The following TRPS1 variants were observed in gnomAD, a reference collection of about 807,000 sequenced individuals.
TRPS1 encodes the protein zinc finger transcription factor Trps1.
In TRPS1, 6 loss-of-function variants were observed where a neutral mutation model predicts 101.2. The ratio of observed to expected loss-of-function variants is 0.06; its 90% CI spans 0.03 to 0.12. The LOEUF (loss-of-function observed/expected upper bound fraction) is 0.12, where lower values mean the gene tolerates loss of function less well. Among genes scored for constraint, TRPS1 ranks in the 10% least tolerant of loss-of-function variants. TRPS1 has a pLI of 1.00. For missense variants in TRPS1, 1,363 were observed against 1,567.0 expected (o/e 0.87, Z 2.20); for synonymous variants, 578 against 589.8 (o/e 0.98, Z 0.29).
Position 115,418,242 on chromosome 8 carries a change from CA to C in TRPS1, c.2823+87del. 6.2e-7 allele frequency: 1 copy of C among 1,610,870 alleles called. No individual in the cohort carries two copies. Among genetic ancestry groups the C allele is most frequent in the Non-Finnish European group, 8.5e-7 (1 of 1,178,026 alleles). ...AACAACCCTGCGGGGGCAGGCACTG[CA>C]AGCCAGGGAATGGGACTTATCACAC... is the stretch of plus-strand genomic sequence containing the variant. On this transcript the variant is annotated intron_variant, in intron 6 of 6. Coordinates refer to ENST00000395715, the MANE Select transcript of TRPS1 (RefSeq NM_014112.5). The surrounding 1 kb of genome is among the most constrained non-coding windows in gnomAD (Gnocchi z 4.3).
intron 5 of TRPS1, among the ~76,000 whole-genome samples, chr8:115,538,303 C>G (rs1245614566): frequency 2.0e-5 from 3 of 152,120 alleles, no homozygotes; most frequent in African/African-American, 7.2e-5. Context: ...GTATTTAAAA[C>G]CAACTCTTTT....
intron 5 of TRPS1, among the ~76,000 whole-genome samples, chr8:115,422,427 C>A (rs575790627): frequency 4.0e-5 from 6 of 151,098 alleles, no homozygotes; most frequent in Non-Finnish European, 7.4e-5. Context: ...AGGGCAGTGG[C>A]GCGATCTCGG....
At chr8:115,569,524 C>G (rs997271441) in intron 5 of TRPS1, among the ~76,000 whole-genome samples, 12 of 152,086 alleles carry the variant, frequency 7.9e-5, no homozygotes, top group African/African-American at 2.9e-4. Context: ...ATATGCATTC[C>G]TGAGTTCACA....
chr8:115,546,168 T>C (rs1037942877), intron 5 of TRPS1, among the ~76,000 whole-genome samples: 1 of 151,688 alleles, frequency 6.6e-6, no homozygotes, highest in Admixed American at 6.6e-5. Flanking sequence ...ATGCAACAAA[T>C]TGAAATGAAT....
chr8:115,665,799 C>T (rs1811907982), intron 1 of TRPS1, among the ~76,000 whole-genome samples: 1 of 152,172 alleles, frequency 6.6e-6, no homozygotes, highest in South Asian at 2.1e-4. Context: ...CAGACCCTTA[C>T]AGCATCTAGA....
intron 1 of TRPS1, among the ~76,000 whole-genome samples, chr8:115,661,960 A>G (rs1342443849): frequency 6.6e-6 from 1 of 152,072 alleles, no homozygotes; most frequent in Non-Finnish European, 1.5e-5. Context: ...AGATGCAGCC[A>G]TAACATGAAA....
chr8:115,525,737 C>A (rs1815980756), intron 5 of TRPS1, among the ~76,000 whole-genome samples: 1 of 152,114 alleles, frequency 6.6e-6, no homozygotes, highest in African/African-American at 2.4e-5. Flanking sequence ...AACTCAGATG[C>A]AAAGCACATA....
rs184645766 is a variant in TRPS1, at chr8:115,665,073, G to T, written c.-122+3472C>A. ...AATAGCATAGTGTTGTTACATTATT[G>T]TTGCTATCAAAAGAAGAACTGAAGT... On this transcript the variant is annotated intron_variant, in intron 1 of 6. Transcript: ENST00000395715. 1.8e-4 allele frequency among the ~76,000 whole-genome samples: 27 copies of T among 152,106 alleles called. No homozygotes were observed. In the East Asian group the frequency reaches 3.7e-3, roughly 21 times the overall value.
intron 5 of TRPS1, among the ~76,000 whole-genome samples, chr8:115,549,905 G>T (rs1298626597): frequency 6.6e-6 from 1 of 152,084 alleles, no homozygotes; most frequent in East Asian, 1.9e-4. Context: ...CTCTATTAAA[G>T]AAAACAAACA....
At chr8:115,574,508 G>C (rs1356842533) in intron 5 of TRPS1, among the ~76,000 whole-genome samples, 1 of 152,102 alleles carries the variant, frequency 6.6e-6, no homozygotes, top group African/African-American at 2.4e-5. Context: ...ACTGAAAAGA[G>C]ACAGGACATA....
intron 5 of TRPS1, among the ~76,000 whole-genome samples, chr8:115,455,443 T>C (rs906928196): frequency 6.6e-6 from 1 of 152,190 alleles, no homozygotes; most frequent in Non-Finnish European, 1.5e-5. Flanking sequence ...GAGTGTCCAA[T>C]GTTTGTATTT....
chr8:115,628,767 G>A (rs944908287), intron 1 of TRPS1, among the ~76,000 whole-genome samples: 4 of 151,630 alleles, frequency 2.6e-5, no homozygotes, highest in South Asian at 2.1e-4. Flanking sequence ...ATTTTAATAC[G>A]GTAACTGTTT....
intron 5 of TRPS1, among the ~76,000 whole-genome samples, chr8:115,506,570 C>A (rs1036144771): frequency 2.0e-5 from 3 of 152,102 alleles, no homozygotes; most frequent in Admixed American, 6.6e-5. Flanking sequence ...CAATAACTCT[C>A]ATTTAATTGG....
intron 5 of TRPS1, among the ~76,000 whole-genome samples, chr8:115,435,673 T>C (rs1409137411): frequency 6.6e-6 from 1 of 152,142 alleles, no homozygotes; most frequent in Non-Finnish European, 1.5e-5. Flanking sequence ...AAACTAGTGC[T>C]GATCATTATT....
intron 5 of TRPS1, among the ~76,000 whole-genome samples, chr8:115,474,098 A>C (rs1393117049): frequency 6.6e-6 from 1 of 152,188 alleles, no homozygotes; most frequent in Non-Finnish European, 1.5e-5. Context: ...TACATTTTCT[A>C]ACCACAGAAA....
chr8:115,521,377 C>T (rs1359507164), intron 5 of TRPS1, among the ~76,000 whole-genome samples: 1 of 151,258 alleles, frequency 6.6e-6, no homozygotes, highest in Admixed American at 6.6e-5. Flanking sequence ...ATTTCATACA[C>T]AGGAAAAAAA....
intron 5 of TRPS1, among the ~76,000 whole-genome samples, chr8:115,496,809 AAC>A (rs1815160177): frequency 6.6e-6 from 1 of 152,210 alleles, no homozygotes; most frequent in Non-Finnish European, 1.5e-5. Context: ...TATTTATTAC[AAC>A]AGTTAGCAGT....
At chr8:115,664,197 A>G (rs576316269) in intron 1 of TRPS1, among the ~76,000 whole-genome samples, 40 of 152,202 alleles carry the variant, frequency 2.6e-4, no homozygotes, top group Admixed American at 7.2e-4. Context: ...ATTTTAGCTT[A>G]TTTACTTTAA....
At chr8:115,481,757 GT>G (rs1814757854) in intron 5 of TRPS1, among the ~76,000 whole-genome samples, 1 of 152,118 alleles carries the variant, frequency 6.6e-6, no homozygotes, top group Non-Finnish European at 1.5e-5. Context: ...ACAGTCATCT[GT>G]TTTTCCCCCC....
Sources: allele counts gnomAD v4.1 joint callset (sites outside exome capture counted in the v4.1 genomes callset), GRCh38; gene constraint gnomAD v4.1.1; non-coding constraint Gnocchi (gnomAD v3.1); transcripts MANE v1.5; gene names NCBI Gene and HGNC (gene_info 2026-07-23, HGNC 2026-07-21).